Variants in STK11 observed in about 807,000 individuals in gnomAD.
The protein encoded by STK11 is serine/threonine-protein kinase STK11.
In STK11, 8 loss-of-function variants were observed where a neutral mutation model predicts 47.3. The observed-to-expected ratio is 0.17, with a 90% confidence interval of 0.10 to 0.31. STK11 has a LOEUF of 0.31. STK11 is among the 10% of genes least tolerant of loss of function. The pLI is 1.00. For missense variants in STK11, 475 were observed against 605.0 expected (o/e 0.79, Z 2.25); for synonymous variants, 330 against 255.8 (o/e 1.29, Z -2.77).
In STK11 at chr19:1,220,607, C is replaced by A. The variant is rs2145425101; in HGVS notation, c.624C>A (p.Asp208Glu). ...AEALHPFAADDTCRTSQGSPA... is the reference protein window; with the variant it reads ...AEALHPFAADETCRTSQGSPA... Reference sequence around the variant, plus strand: ...CACTGCACCCGTTCGCGGCGGACGACACCTGCCGGACCAGCCAGGGCTCCC... The same window carrying A: ...CACTGCACCCGTTCGCGGCGGACGAAACCTGCCGGACCAGCCAGGGCTCCC... Residue 208 changes from aspartate (D) to glutamate (E), a missense_variant, in exon 5 of 10, where the codon GAC (aspartate) becomes GAA (glutamate). By Grantham distance (45) the Asp-to-Glu change is conservative. Around this residue, in one of 5 missense-constraint regions of STK11, gnomAD observed 130 missense variants for 239.7 expected, o/e 0.54. Coordinates refer to ENST00000326873, the MANE Select transcript of STK11 (RefSeq NM_000455.5). The A allele has an allele frequency of 6.3e-7, 1 of 1,596,962 alleles. No individual in the cohort carries two copies. The highest frequency in any genetic ancestry group is 8.5e-7 in the Non-Finnish European group (1 of 1,172,366).
intron 3 of STK11, 42 bp from the exon 4 acceptor site, chr19:1,220,331 C>T (rs1214924233): frequency 6.3e-7 from 1 of 1,577,092 alleles, no homozygotes; most frequent in Non-Finnish European, 8.6e-7. Flanking sequence ...CTGTGAGGGG[C>T]AGGGAGGCCT....
chr19:1,217,735 G>A (rs1422960719), intron 1 of STK11, among the ~76,000 whole-genome samples: 1 of 152,200 alleles, frequency 6.6e-6, no homozygotes, highest in African/African-American at 2.4e-5. Flanking sequence ...GGAGTTGGGA[G>A]CCCTTGGCTG....
chr19:1,226,462 C>G lies in STK11; in HGVS notation c.1117C>G (p.Pro373Ala). 3 of 1,610,844 alleles carry G rather than the reference C, an allele frequency of 1.9e-6. No individual in the cohort carries two copies. The highest frequency in any genetic ancestry group is 2.5e-6 in the Non-Finnish European group (3 of 1,179,186). The change falls in exon 9 of 10, where the codon CCA (proline) becomes GCA (alanine). Residue 373 changes from proline (P) to alanine (A), a missense_variant. Around this residue, in one of 5 missense-constraint regions of STK11, gnomAD observed 219 missense variants for 189.2 expected, o/e 1.16. Coordinates refer to ENST00000326873, the MANE Select transcript of STK11 (RefSeq NM_000455.5). ...TGCCGTCTCCCTCCCAGGACAGGTC[C>G]CAGAAGAGGAGGCCAGTCACAATGG... The part of the protein sequence containing the change: ...TQDFTVPGQV[P>A]EEEASHNGQR...
intron 8 of STK11, chr19:1,225,135 G>C (rs2080811971): frequency 1.0e-6 from 1 of 985,414 alleles, no homozygotes; most frequent in Non-Finnish European, 1.2e-6. Flanking sequence ...TGTGGGGTGG[G>C]GCAAGGGCCC....
chr19:1,219,463 C>A (rs748330307), intron 3 of STK11, 50 bp downstream of exon 3: 1 of 1,304,584 alleles, frequency 7.7e-7, no homozygotes, highest in Non-Finnish European at 1.0e-6. Context: ...GGGGGCCAGG[C>A]AGGGCAGGCT....
chr19:1,225,801 C>T, intron 8 of STK11: 5 of 985,592 alleles, frequency 5.1e-6, no homozygotes, highest in South Asian at 4.7e-5. Context: ...ACCACGGCTC[C>T]TCGCAGGGAC....
intron 7 of STK11, 33 bp from the exon 8 acceptor site, chr19:1,222,952 C>A (rs1326061339): frequency 6.6e-7 from 1 of 1,516,986 alleles, no homozygotes; most frequent in East Asian, 2.5e-5. Context: ...TGGTGCCAGC[C>A]TGACAGGCGC....
intron 1 of STK11, among the ~76,000 whole-genome samples, chr19:1,215,789 T>C (rs2080740916): frequency 6.6e-6 from 1 of 151,860 alleles, no homozygotes; most frequent in Admixed American, 6.6e-5. Flanking sequence ...CAGGCTGGAG[T>C]GCAGTGGTGA....
At position 1,206,621 on chromosome 19, in the gene STK11, C is replaced by G; in HGVS notation, c.-293C>G. On this transcript the variant is annotated 5_prime_UTR_variant, in exon 1 of 10. Coordinates refer to ENST00000326873, the MANE Select transcript of STK11 (RefSeq NM_000455.5). ...AGTTGACCCTGACCGGGCCGTCTCC[C>G]AGTTCTGAGGCCCGGGTCCCACTGG... 2.0e-6 allele frequency: 1 copy of G among 491,860 alleles called. No homozygotes were observed. The highest frequency in any genetic ancestry group is 3.6e-6 in the Non-Finnish European group (1 of 277,134). 30.5% of individuals were successfully genotyped at this position (491,860 alleles called of 1,614,324 possible).
chr19:1,220,774 G>T, intron 5 of STK11, 57 bp downstream of exon 5: 5 of 1,545,740 alleles, frequency 3.2e-6, no homozygotes, highest in Non-Finnish European at 3.5e-6. Flanking sequence ...GGGCCTCTGC[G>T]TCTTGGGCAG....
chr19:1,219,576 C>T (rs1158403126), intron 3 of STK11, among the ~76,000 whole-genome samples, 163 bp downstream of exon 3: 1 of 151,772 alleles, frequency 6.6e-6, no homozygotes, highest in Non-Finnish European at 1.5e-5. Context: ...GATGGAGTCT[C>T]ACTCTGTCGC....
chr19:1,207,678 A>C (rs1370420016), intron 1 of STK11, among the ~76,000 whole-genome samples: 3 of 152,140 alleles, frequency 2.0e-5, no homozygotes, highest in African/African-American at 7.2e-5. Flanking sequence ...TCAGAGGGGA[A>C]CCCTGGGCTG....
At chr19:1,210,662 G>C (rs2080703578) in intron 1 of STK11, among the ~76,000 whole-genome samples, 2 of 152,176 alleles carry the variant, frequency 1.3e-5, no homozygotes, top group Admixed American at 1.3e-4. Flanking sequence ...CCGAGGTTGG[G>C]AGTTAGCCTG....
At chr19:1,227,392 C>A in intron 9 of STK11, 1 of 376,678 alleles carries the variant, frequency 2.7e-6, no homozygotes, top group Non-Finnish European at 3.9e-6. Flanking sequence ...AGCGTCAGAG[C>A]CCGCCAGGCC....
chr19:1,211,730 C>T (rs992660686), intron 1 of STK11, among the ~76,000 whole-genome samples: 1 of 152,258 alleles, frequency 6.6e-6, no homozygotes, highest in Admixed American at 6.5e-5. Context: ...GGGCCCAGAT[C>T]CGGGCTGTGG....
chr19:1,227,633 TCA>T lies in STK11; in HGVS notation c.*58_*59del, dbSNP rs1491533904. 1 of 1,067,158 alleles carries T rather than the reference TCA, an allele frequency of 9.4e-7. No individual in the cohort carries two copies. 66.1% of individuals were successfully genotyped at this position (1,067,158 alleles called of 1,614,324 possible). A position where few individuals can be genotyped will look rare whatever the true frequency, so the allele number is the denominator to read the frequency against. On this transcript the variant is annotated 3_prime_UTR_variant, in exon 10 of 10. Transcript: ENST00000326873. ...CCCGCCAGGTGCCCGCGCCAGGCCC[TCA>T]GTCTTCCTGCCGGTTCCGCCCGCCC...
At chr19:1,225,361 C>T (rs1321360637) in intron 8 of STK11, 1 of 907,918 alleles carries the variant, frequency 1.1e-6, no homozygotes, top group East Asian at 1.2e-4. Context: ...CAACCTCCAC[C>T]TCCCGGATTC....
chr19:1,225,137 C>A (rs2080811980), intron 8 of STK11: 12 of 985,500 alleles, frequency 1.2e-5, no homozygotes, highest in Non-Finnish European at 1.4e-5. Flanking sequence ...TGGGGTGGGG[C>A]AAGGGCCCAG....
chr19:1,223,973 A>G lies in STK11; in HGVS notation c.1108+801A>G, dbSNP rs535853470. The G allele has an allele frequency of 1.9e-5, 19 of 1,009,650 alleles. No individual in the cohort carries two copies. The East Asian group carries it at 1.1e-3, about 56-fold the overall frequency. 62.5% of individuals were successfully genotyped at this position (1,009,650 alleles called of 1,614,324 possible). On this transcript the variant is annotated intron_variant, in intron 8 of 9. Coordinates refer to ENST00000326873, the MANE Select transcript of STK11 (RefSeq NM_000455.5). ...AGTGGTGGGCAGGGGCCGGCCTGAG[A>G]AGGGGGGTACGCCAGGCAGGTTGGG... is the stretch of plus-strand genomic sequence containing the variant.
Sources: gnomAD v4.1 joint callset for allele counts (sites outside exome capture counted in the v4.1 genomes callset) on GRCh38, gnomAD v4.1.1 for gene constraint, gnomAD v4.1.1 regional missense constraint, MANE v1.5 for transcripts, NCBI Gene and HGNC (gene_info 2026-07-23, HGNC 2026-07-21) for gene names.